PPM1K: variants seen among roughly 807,000 people sequenced by gnomAD.
PPM1K encodes protein phosphatase, Mg2+/Mn2+ dependent 1K.
In PPM1K, 19 loss-of-function variants were observed where a neutral mutation model predicts 32.6. The observed-to-expected ratio is 0.58, with a 90% CI of 0.41 to 0.86. The LOEUF (loss-of-function observed/expected upper bound fraction) is 0.86. PPM1K is among the 40% of genes least tolerant of loss of function. PPM1K has a pLI of 0.00. For missense variants in PPM1K, 362 were observed against 461.2 expected (o/e 0.78, Z 1.97); for synonymous variants, 159 against 165.3 (o/e 0.96, Z 0.29).
intron 3 of PPM1K, among the ~76,000 whole-genome samples, chr4:88,273,799 T>A (rs1017854379): frequency 6.6e-6 from 1 of 152,084 alleles, no homozygotes; most frequent in Non-Finnish European, 1.5e-5. Context: ...GCTGGCCAGG[T>A]AGAGAACCCA....
intron 6 of PPM1K, 77 bp from the exon 7 acceptor site, chr4:88,262,803 C>T (rs1010937325): frequency 1.4e-6 from 2 of 1,478,696 alleles, no homozygotes; most frequent in South Asian, 2.9e-5. Context: ...CCTTTCCTTC[C>T]CTTGGAAATA....
chr4:88,262,755 A>G (rs1284701648), intron 6 of PPM1K, 29 bp from the exon 7 acceptor site: 1 of 1,585,512 alleles, frequency 6.3e-7, no homozygotes, highest in Admixed American at 1.9e-5. Flanking sequence ...AGAAAGAGAA[A>G]AACATTGGAA....
intron 1 of PPM1K, among the ~76,000 whole-genome samples, chr4:88,283,526 A>T (rs947427615): frequency 6.6e-6 from 1 of 152,248 alleles, no homozygotes; most frequent in African/African-American, 2.4e-5. Flanking sequence ...GCACGTTAGC[A>T]GTGGGAGGCT....
Position 88,265,019 on chromosome 4 carries a change from G to C in PPM1K, c.969C>G (p.Ala323=). The change falls in exon 6 of 7, where the codon GCC becomes GCG. Residue 323 remains alanine (A), a synonymous_variant. Transcript: ENST00000608933. The part of the protein sequence containing the change: ...VNQCHDPNEA[A]HAVTEQAIQY... ...GGGTCACCTGTTCAGTCACCGCATG[G>C]GCTGCTTCGTTGGGATCATGGCACT... 3 of 1,614,046 alleles carry C rather than the reference G, an allele frequency of 1.9e-6. No individual in the cohort carries two copies. The highest frequency in any genetic ancestry group is 1.7e-6 in the Non-Finnish European group (2 of 1,179,982).
intron 1 of PPM1K, chr4:88,279,428 G>A (rs1443266032): frequency 1.3e-5 from 2 of 152,196 alleles, no homozygotes; most frequent in African/African-American, 4.8e-5. Context: ...CTCTCACTAG[G>A]AGGGTATGTG....
chr4:88,273,893 G>A (rs948410658), intron 3 of PPM1K, among the ~76,000 whole-genome samples: 1 of 152,124 alleles, frequency 6.6e-6, no homozygotes, highest in Admixed American at 6.5e-5. Context: ...TCAGTTTTTC[G>A]TGTGCTATGC....
chr4:88,266,021 T>C (rs1380712124), intron 5 of PPM1K, among the ~76,000 whole-genome samples: 1 of 152,228 alleles, frequency 6.6e-6, no homozygotes, highest in Non-Finnish European at 1.5e-5. Context: ...GGGATAGTAG[T>C]ACTTATTTTG....
Position 88,278,919 on chromosome 4 carries a change from T to C in PPM1K, c.-59-277A>G, listed in dbSNP as rs1048990840. 1.1e-5 allele frequency: 3 copies of C among 264,702 alleles called. No homozygotes were observed. The highest frequency in any genetic ancestry group is 2.2e-5 in the Non-Finnish European group (3 of 136,794). 16.4% of individuals were successfully genotyped at this position (264,702 alleles called of 1,614,324 possible). A position where few individuals can be genotyped will look rare whatever the true frequency, so the allele number is the denominator to read the frequency against. The stretch of plus-strand genomic sequence containing the variant: ...TCACAGCATTTAAATTCTATAAAAA[T>C]TTAACAGTGTGCACATACACAGAAC... On this transcript the variant is annotated intron_variant, in intron 1 of 6. Transcript: ENST00000608933. This position sits in a 1 kb window ranked among gnomAD's most constrained non-coding sequence, Gnocchi z 4.2.
At chr4:88,275,213 G>C (rs1731716584) in intron 3 of PPM1K, 1 of 614,688 alleles carries the variant, frequency 1.6e-6, no homozygotes, top group Non-Finnish European at 2.0e-6. Flanking sequence ...TAAAAAATAT[G>C]GAACTCTTCA....
chr4:88,281,115 GA>G (rs942905661), intron 1 of PPM1K, among the ~76,000 whole-genome samples: 24 of 146,350 alleles, frequency 1.6e-4, no homozygotes, highest in African/African-American at 3.5e-4. Context: ...ATATCATATA[GA>G]AAAAAAAAAG....
rs762049508 is a variant in PPM1K at position 88,262,653 on chromosome 4, T to G, written c.1061A>C (p.Asn354Thr). The change falls in exon 7 of 7, where the codon AAC (asparagine) becomes ACC (threonine). Residue 354 changes from asparagine (N) to threonine (T), a missense_variant. Asn to Thr is a moderately conservative substitution (Grantham distance 65). Transcript: ENST00000608933. The part of the protein sequence containing the change: ...VPFGAWGKYK[N>T]SEINFSFSRS... Reference sequence around the variant, plus strand: ...GCTGAATGAGAAGTTGATTTCAGAGTTCTTATATTTTCCCCAGGCACCAAA... The same window carrying G: ...GCTGAATGAGAAGTTGATTTCAGAGGTCTTATATTTTCCCCAGGCACCAAA... 6.2e-7 allele frequency: 1 copy of G among 1,614,060 alleles called. No homozygotes were observed. Among genetic ancestry groups the G allele is most frequent in the Admixed American group, 1.7e-5 (1 of 59,988 alleles).
intron 4 of PPM1K, 72 bp from the exon 5 acceptor site, chr4:88,268,406 A>C: frequency 6.5e-7 from 1 of 1,540,322 alleles, no homozygotes; most frequent in South Asian, 1.1e-5. Flanking sequence ...GCAGATCACG[A>C]GGTCAGGAGA....
chr4:88,269,085 A>C (rs954930800), intron 3 of PPM1K, among the ~76,000 whole-genome samples, 179 bp from the exon 4 acceptor site: 4 of 152,262 alleles, frequency 2.6e-5, no homozygotes, highest in Non-Finnish European at 4.4e-5. Context: ...GCATGCAGAG[A>C]AACAAGTATT....
At chr4:88,264,309 A>C (rs1266870204) in intron 6 of PPM1K, among the ~76,000 whole-genome samples, 1 of 152,236 alleles carries the variant, frequency 6.6e-6, no homozygotes, top group Non-Finnish European at 1.5e-5. Context: ...TACGAAGCAT[A>C]GTTTATGTTT....
chr4:88,276,773 T>C, intron 3 of PPM1K: 2 of 1,005,138 alleles, frequency 2.0e-6, no homozygotes, highest in Non-Finnish European at 2.4e-6. Flanking sequence ...GGTCACCAGA[T>C]CCATCTAAAA....
intron 3 of PPM1K, 70 bp from the exon 4 acceptor site, chr4:88,268,976 C>T (rs2110160058): frequency 7.9e-7 from 1 of 1,267,896 alleles, no homozygotes; most frequent in Non-Finnish European, 1.1e-6. Flanking sequence ...ATTTTTATTA[C>T]AAAATAAAAC....
chr4:88,276,190 C>T lies in PPM1K; in HGVS notation c.541+953G>A, dbSNP rs532249891. 3.6e-4 allele frequency: 357 copies of T among 985,410 alleles called. 5 individuals carry two copies. In the South Asian group the frequency reaches 0.013, roughly 35 times the overall value. 61.0% of individuals were successfully genotyped at this position (985,410 alleles called of 1,614,324 possible). ...TTACCACTCTAATCTTCAGTTCCTT[C>T]GCTGTGAAATGCAAACAATCTCTAT... On this transcript the variant is annotated intron_variant, in intron 3 of 6. Coordinates refer to ENST00000608933, the MANE Select transcript of PPM1K (RefSeq NM_152542.5).
chr4:88,272,940 T>C (rs1020466825), intron 3 of PPM1K, among the ~76,000 whole-genome samples: 1 of 152,238 alleles, frequency 6.6e-6, no homozygotes, highest in African/African-American at 2.4e-5. Context: ...GTCTCATTTC[T>C]GAAAGGACTG....
At chr4:88,282,417 A>G (rs1732050461) in intron 1 of PPM1K, among the ~76,000 whole-genome samples, 1 of 152,220 alleles carries the variant, frequency 6.6e-6, no homozygotes. Flanking sequence ...TCTGCCCATT[A>G]TGAAGTGGCA....
Sources: allele counts gnomAD v4.1 joint callset (sites outside exome capture counted in the v4.1 genomes callset), GRCh38; gene constraint gnomAD v4.1.1; non-coding constraint Gnocchi (gnomAD v3.1); transcripts MANE v1.5; gene names NCBI Gene and HGNC (gene_info 2026-07-23, HGNC 2026-07-21).